Variants in SPTBN1 observed in about 807,000 individuals in gnomAD.
SPTBN1 encodes the protein spectrin beta, non-erythrocytic 1.
In SPTBN1, 32 loss-of-function variants were observed where a neutral mutation model predicts 266.4. That is an observed-to-expected ratio of 0.12 (90% CI 0.09 to 0.16). The LOEUF is 0.16. SPTBN1 is among the 10% of genes least tolerant of loss of function. The pLI, the probability that SPTBN1 is intolerant of heterozygous loss-of-function variation, is 1.00. For synonymous variants in SPTBN1, 1,336 were observed against 1,162.2 expected (o/e 1.15, Z -3.04); for missense variants, 2,296 against 3,067.1 (o/e 0.75, Z 5.94).
chr2:54,526,321 G>A, intron 1 of SPTBN1, 51 bp from the exon 2 acceptor site: 2 of 1,464,012 alleles, frequency 1.4e-6, no homozygotes, highest in Non-Finnish European at 1.8e-6. Context: ...GGTTCCGTGG[G>A]GACTGTATAC....
chr2:54,531,248 T>C (rs1671218479), intron 2 of SPTBN1, among the ~76,000 whole-genome samples: 1 of 152,174 alleles, frequency 6.6e-6, no homozygotes. Context: ...GCATCTGATA[T>C]GGGGGCAGTC....
intron 1 of SPTBN1, among the ~76,000 whole-genome samples, chr2:54,499,792 T>G (rs941756853): frequency 3.3e-5 from 5 of 152,198 alleles, no homozygotes; most frequent in South Asian, 2.1e-4. Context: ...CCCCCTTCCT[T>G]TAGCCCATGT....
chr2:54,631,628 C>T lies in SPTBN1; in HGVS notation c.3564+17C>T. On this transcript the variant is annotated intron_variant, in intron 16 of 35. Coordinates refer to ENST00000356805, the MANE Select transcript of SPTBN1 (RefSeq NM_003128.3). Reference sequence around the variant, plus strand: ...AACAACCAGGTAAGGTTTGTTCCTGCCTTTGCTTCCTTTCGGTGAAAGCAG... The same window carrying T: ...AACAACCAGGTAAGGTTTGTTCCTGTCTTTGCTTCCTTTCGGTGAAAGCAG... 1 of 1,595,002 alleles carries T rather than the reference C, an allele frequency of 6.3e-7. No homozygotes were observed. Among genetic ancestry groups the T allele is most frequent in the Non-Finnish European group, 8.5e-7 (1 of 1,169,846 alleles).
chr2:54,633,865 A>T (rs563701467), intron 17 of SPTBN1, among the ~76,000 whole-genome samples: 110 of 152,260 alleles, frequency 7.2e-4, no homozygotes, highest in East Asian at 1.5e-3. Flanking sequence ...ACCACTTCCA[A>T]TCTTTTTTTC....
chr2:54,486,582 G>T (rs1381931671), intron 1 of SPTBN1, among the ~76,000 whole-genome samples: 2 of 152,092 alleles, frequency 1.3e-5, no homozygotes, highest in Admixed American at 1.3e-4. Context: ...CACAAATACT[G>T]TGGAAGGCAG....
At chr2:54,456,921 G>T (rs1224511949) in intron 1 of SPTBN1, among the ~76,000 whole-genome samples, 1 of 146,612 alleles carries the variant, frequency 6.8e-6, no homozygotes, top group Non-Finnish European at 1.5e-5. Flanking sequence ...TGGCGCGGAG[G>T]TGGGTGCGGA....
chr2:54,553,968 C>G (rs1048135346), intron 2 of SPTBN1, among the ~76,000 whole-genome samples: 1 of 152,174 alleles, frequency 6.6e-6, no homozygotes, highest in South Asian at 2.1e-4. Context: ...TGTACAGGTC[C>G]ACCAAGTATG....
intron 29 of SPTBN1, 109 bp downstream of exon 29, chr2:54,656,107 G>C: frequency 1.1e-6 from 1 of 938,790 alleles, no homozygotes. Flanking sequence ...TGTTCGAGTT[G>C]TAGATGCCTT....
intron 2 of SPTBN1, among the ~76,000 whole-genome samples, chr2:54,581,667 C>T (rs1247444369): frequency 2.1e-5 from 3 of 140,550 alleles, no homozygotes; most frequent in Non-Finnish European, 4.5e-5. Flanking sequence ...AGAAAACTGT[C>T]CCAAACCTGA....
rs1264105754 is a variant in SPTBN1 at position 54,466,419 on chromosome 2, G to A, written c.-48+9901G>A. Among the ~76,000 whole-genome samples the A allele has an allele frequency of 7.6e-5, 2 of 26,320 alleles. 1 individual carries two copies. Among genetic ancestry groups the A allele is most frequent in the Non-Finnish European group, 1.2e-4 (2 of 16,968 alleles). The allele number at this position is 26,320 out of a possible 152,430, so 17.3% of individuals were successfully genotyped here. ...CTACTAAAAATACAAAAAATTAGCC[G>A]GGCGTGGTAGCGGGCGCCTGTAGTC... On this transcript the variant is annotated intron_variant, in intron 1 of 35. Coordinates refer to ENST00000356805, the MANE Select transcript of SPTBN1 (RefSeq NM_003128.3).
At chr2:54,572,794 C>T (rs568906059) in intron 2 of SPTBN1, among the ~76,000 whole-genome samples, 3 of 152,262 alleles carry the variant, frequency 2.0e-5, no homozygotes, top group East Asian at 3.9e-4. Context: ...GCCAGTTTGA[C>T]TAGGAGTTCT....
intron 1 of SPTBN1, among the ~76,000 whole-genome samples, chr2:54,508,527 G>A (rs1009756147): frequency 7.8e-5 from 11 of 141,440 alleles, no homozygotes; most frequent in Non-Finnish European, 4.4e-5. Context: ...GTGGGCTAGC[G>A]GGTTCTAAGA....
intron 34 of SPTBN1, among the ~76,000 whole-genome samples, chr2:54,666,841 G>C (rs962764354): frequency 6.6e-6 from 1 of 152,232 alleles, no homozygotes; most frequent in Admixed American, 6.5e-5. Context: ...CCAGAGGAGA[G>C]AGTGTCAGAT....
intron 2 of SPTBN1, among the ~76,000 whole-genome samples, chr2:54,572,732 CAAGG>C (rs776326997): frequency 1.3e-5 from 2 of 152,102 alleles, no homozygotes; most frequent in Admixed American, 6.5e-5. Flanking sequence ...ACTTGAAACA[CAAGG>C]AAGCAATTTT....
rs768371303 is a variant in SPTBN1, at chr2:54,466,561, CAAAAAAAAAAAAAAAAAAAAAAAAAAAA to C, written c.-48+10062_-48+10089del. Among the ~76,000 whole-genome samples the C allele has an allele frequency of 4.0e-3, 20 of 4,988 alleles. 2 individuals are homozygous for C. In the South Asian group the frequency reaches 0.1, roughly 25 times the overall value. The allele number at this position is 4,988 out of a possible 152,430, so 3.3% of individuals were successfully genotyped here. ...TGGGCGACAGAGCGAGACTCCGTCT[CAAAAAAAAAAAAAAAAAAAAAAAAAAAA>C]AAAAAAAAAAAAAAAAAAGTATGTT... On this transcript the variant is annotated intron_variant, in intron 1 of 35. Coordinates refer to ENST00000356805, the MANE Select transcript of SPTBN1 (RefSeq NM_003128.3).
At chr2:54,648,852 T>G in intron 24 of SPTBN1, 134 bp from the exon 25 acceptor site, 1 of 844,324 alleles carries the variant, frequency 1.2e-6, no homozygotes, top group Non-Finnish European at 1.8e-6. Flanking sequence ...TCATGCTAAG[T>G]GGGTTAACCA....
In SPTBN1 at chr2:54,649,197, A is replaced by C; in HGVS notation, c.5202+7A>C. ...GGACTATGAGCATGTCACGGCAAGT[A>C]CTTGAGGCAGTGCATGAGTTGGTTG... On this transcript the variant is annotated splice_region_variant and intron_variant, in intron 25 of 35. Transcript: ENST00000356805. This position sits in a 1 kb window ranked among gnomAD's most constrained non-coding sequence, Gnocchi z 6.7. 6.3e-7 allele frequency: 1 copy of C among 1,590,922 alleles called. No homozygotes were observed. Among genetic ancestry groups the C allele is most frequent in the Non-Finnish European group, 8.6e-7 (1 of 1,162,854 alleles).
At position 54,629,418 on chromosome 2, in the gene SPTBN1, G is replaced by T. The variant is rs1200769270; in HGVS notation, c.2284G>T (p.Asp762Tyr). Residue 762 changes from aspartate (D) to tyrosine (Y), a missense_variant, in exon 14 of 36, where the codon GAC becomes TAC. Asp to Tyr is a radical substitution (Grantham distance 160). Transcript: ENST00000356805. The stretch of plus-strand genomic sequence containing the variant: ...TGATGACATTGATGCCTGGATGCTG[G>T]ACATCCTCAAGATTGTCTCCAGCAG... ...DADDIDAWML[D>Y]ILKIVSSSDV... 1.2e-6 allele frequency: 2 copies of T among 1,614,034 alleles called. No homozygotes were observed. The highest frequency in any genetic ancestry group is 1.7e-6 in the Non-Finnish European group (2 of 1,180,054).
chr2:54,638,579 G>A (rs996395811), intron 18 of SPTBN1, among the ~76,000 whole-genome samples: 1 of 152,132 alleles, frequency 6.6e-6, no homozygotes, highest in Non-Finnish European at 1.5e-5. Flanking sequence ...AACTAAAGTT[G>A]GCCAGAAAAA....
Sources: allele counts gnomAD v4.1 joint callset (sites outside exome capture counted in the v4.1 genomes callset), GRCh38; gene constraint gnomAD v4.1.1; non-coding constraint Gnocchi (gnomAD v3.1); transcripts MANE v1.5; gene names NCBI Gene and HGNC (gene_info 2026-07-23, HGNC 2026-07-21).